The following FLRT2 variants were observed in gnomAD, a reference collection of about 807,000 sequenced individuals.
FLRT2 encodes the protein leucine-rich repeat transmembrane protein FLRT2.
A neutral mutation model predicts 40.0 loss-of-function variants in FLRT2; 15 were observed. That is an observed-to-expected ratio of 0.38 (90% confidence interval 0.25 to 0.58). FLRT2 has a LOEUF of 0.58. Among genes scored for constraint, FLRT2 ranks in the 20% least tolerant of loss-of-function variants. The pLI is 0.71. For synonymous variants in FLRT2, 380 were observed against 336.8 expected (o/e 1.13, Z -1.41); for missense variants, 726 against 840.0 (o/e 0.86, Z 1.68).
At chr14:85,555,582 TC>T (rs1421688301) in intron 1 of FLRT2, among the ~76,000 whole-genome samples, 2 of 152,124 alleles carry the variant, frequency 1.3e-5, no homozygotes, top group African/African-American at 4.8e-5. Flanking sequence ...ACCAGGTCCC[TC>T]CCATAACCGG....
In FLRT2 at chr14:85,540,624, T is replaced by A. The variant is rs1888929576; in HGVS notation, c.-377+10090T>A. Among the ~76,000 whole-genome samples the A allele has an allele frequency of 2.0e-5, 3 of 152,170 alleles. No individual in the cohort carries two copies. The South Asian group carries it at 6.2e-4, about 31-fold the overall frequency. ...CCCGATTCTTGGCCAAAATGAGTAT[T>A]TCTTTCGGTGATTTGAGGTATGAAG... is the stretch of plus-strand genomic sequence containing the variant. On this transcript the variant is annotated intron_variant, in intron 1 of 1. Coordinates refer to ENST00000330753, the MANE Select transcript of FLRT2 (RefSeq NM_013231.6).
chr14:85,643,019 T>C lies in FLRT2; in HGVS notation c.*19522T>C, dbSNP rs1405997160. Reference sequence around the variant, plus strand: ...TGGTGATGCTCCTCTTTTTGAGTTGTAAACAACTGCCCTCAGAAGGCTCTC... The same window carrying C: ...TGGTGATGCTCCTCTTTTTGAGTTGCAAACAACTGCCCTCAGAAGGCTCTC... On this transcript the variant is annotated 3_prime_UTR_variant, in exon 2 of 2. Transcript: ENST00000330753. 3 of 152,206 alleles carry C rather than the reference T, an allele frequency of 2.0e-5. No individual in the cohort carries two copies. The highest frequency in any genetic ancestry group is 7.2e-5 in the African/African-American group (3 of 41,458). The allele number at this position is 152,206 out of a possible 1,614,324, so 9.4% of individuals were successfully genotyped here.
At chr14:85,560,087 C>G (rs1232389031) in intron 1 of FLRT2, among the ~76,000 whole-genome samples, 1 of 152,190 alleles carries the variant, frequency 6.6e-6, no homozygotes, top group East Asian at 1.9e-4. Context: ...TCTGTCCCAG[C>G]TCTGACTCTT....
rs1471300711 is a variant in FLRT2, at chr14:85,648,667, C to A, written c.*25170C>A. 1.3e-5 allele frequency: 2 copies of A among 151,926 alleles called. No individual in the cohort carries two copies. Among genetic ancestry groups the A allele is most frequent in the Admixed American group, 6.6e-5 (1 of 15,208 alleles). 9.4% of individuals were successfully genotyped at this position (151,926 alleles called of 1,614,324 possible). A position where few individuals can be genotyped will look rare whatever the true frequency, so the allele number is the denominator to read the frequency against. ...ATAATTGCCCATTTTCCCTAAATACCTAGGTAGGTTTTATTTCCTAAACTG... is the reference window on the plus strand; with the variant it reads ...ATAATTGCCCATTTTCCCTAAATACATAGGTAGGTTTTATTTCCTAAACTG... On this transcript the variant is annotated 3_prime_UTR_variant, in exon 2 of 2. Transcript: ENST00000330753.
chr14:85,587,515 T>C (rs1479353817), intron 1 of FLRT2, among the ~76,000 whole-genome samples: 1 of 152,108 alleles, frequency 6.6e-6, no homozygotes, highest in Non-Finnish European at 1.5e-5. Flanking sequence ...CCTAGGTCAT[T>C]TTAACTGGAA....
intron 1 of FLRT2, among the ~76,000 whole-genome samples, chr14:85,616,854 C>G (rs1595090430): frequency 6.6e-6 from 1 of 152,138 alleles, no homozygotes; most frequent in East Asian, 1.9e-4. Context: ...TATCCTCGTT[C>G]TAGTGCTCAA....
intron 1 of FLRT2, among the ~76,000 whole-genome samples, chr14:85,617,389 A>C (rs946038221): frequency 2.0e-5 from 3 of 152,128 alleles, no homozygotes; most frequent in Admixed American, 6.6e-5. Context: ...GTTAGGAACT[A>C]TTATTATCAT....
At chr14:85,607,373 T>C (rs1892669348) in intron 1 of FLRT2, among the ~76,000 whole-genome samples, 1 of 152,140 alleles carries the variant, frequency 6.6e-6, no homozygotes, top group South Asian at 2.1e-4. Flanking sequence ...GGAAAGCAAT[T>C]AGAGTTAGGC....
At chr14:85,542,533 A>G (rs1164810673) in intron 1 of FLRT2, among the ~76,000 whole-genome samples, 3 of 152,192 alleles carry the variant, frequency 2.0e-5, no homozygotes, top group Non-Finnish European at 4.4e-5. Flanking sequence ...ACCTGAGAGA[A>G]GCAGGCACTA....
chr14:85,593,393 T>G (rs1891989267), intron 1 of FLRT2, among the ~76,000 whole-genome samples: 1 of 152,322 alleles, frequency 6.6e-6, no homozygotes, highest in Middle Eastern at 3.4e-3. Context: ...AGACCTCACC[T>G]TCTGGCTGCA....
Position 85,537,559 on chromosome 14 carries a change from T to C in FLRT2, c.-377+7025T>C, listed in dbSNP as rs189879670. The stretch of plus-strand genomic sequence containing the variant: ...ATCAGTATACTTTTACTCCTTTCAG[T>C]AATAAAGGACCTCCAATTACGTATC... On this transcript the variant is annotated intron_variant, in intron 1 of 1. Coordinates refer to ENST00000330753, the MANE Select transcript of FLRT2 (RefSeq NM_013231.6). 3.9e-5 allele frequency among the ~76,000 whole-genome samples: 6 copies of C among 152,168 alleles called. No individual in the cohort carries two copies. The East Asian group carries it at 9.6e-4, about 24-fold the overall frequency.
intron 1 of FLRT2, among the ~76,000 whole-genome samples, chr14:85,557,489 A>G (rs1566726120): frequency 6.6e-6 from 1 of 152,200 alleles, no homozygotes; most frequent in Non-Finnish European, 1.5e-5. Context: ...AATAGATGGC[A>G]TCTCCACTAG....
At chr14:85,578,953 C>A (rs751392598) in intron 1 of FLRT2, among the ~76,000 whole-genome samples, 1 of 152,340 alleles carries the variant, frequency 6.6e-6, no homozygotes, top group African/African-American at 2.4e-5. Context: ...AAACACATCT[C>A]TCCCAGTTGG....
At chr14:85,566,632 T>C (rs1291854971) in intron 1 of FLRT2, among the ~76,000 whole-genome samples, 1 of 151,264 alleles carries the variant, frequency 6.6e-6, no homozygotes, top group Non-Finnish European at 1.5e-5. Flanking sequence ...AAATGCAATA[T>C]TTCGTATTCT....
In FLRT2 at chr14:85,643,194, C is replaced by G. The variant is rs1012620673; in HGVS notation, c.*19697C>G. 6.6e-6 allele frequency: 1 copy of G among 152,102 alleles called. No homozygotes were observed. Among genetic ancestry groups the G allele is most frequent in the Non-Finnish European group, 1.5e-5 (1 of 68,040 alleles). 9.4% of individuals were successfully genotyped at this position (152,102 alleles called of 1,614,324 possible). A position where few individuals can be genotyped will look rare whatever the true frequency, so the allele number is the denominator to read the frequency against. On this transcript the variant is annotated 3_prime_UTR_variant, in exon 2 of 2. Transcript: ENST00000330753. ...ATTTAGGGGCACATAAATATACAGT[C>G]CATAACAGGGAGATAGGAACATTGG...
chr14:85,614,250 C>T (rs1467571471), intron 1 of FLRT2, among the ~76,000 whole-genome samples: 1 of 152,180 alleles, frequency 6.6e-6, no homozygotes, highest in Non-Finnish European at 1.5e-5. Context: ...TTGCTCATAA[C>T]ACCTTTTCTA....
intron 1 of FLRT2, among the ~76,000 whole-genome samples, chr14:85,609,488 A>G (rs1217150513): frequency 1.3e-5 from 2 of 152,212 alleles, no homozygotes; most frequent in African/African-American, 2.4e-5. Context: ...GAGCGTAGCC[A>G]CCTGCAAAGG....
At chr14:85,533,589 C>T (rs565172965) in intron 1 of FLRT2, among the ~76,000 whole-genome samples, 159 of 152,146 alleles carry the variant, frequency 1.0e-3, no homozygotes, top group African/African-American at 3.6e-3. Flanking sequence ...TTTTGGGGTT[C>T]GTTGGCTTGG....
intron 1 of FLRT2, chr14:85,560,945 A>G (rs970408213): frequency 3.3e-5 from 5 of 152,204 alleles, no homozygotes; most frequent in African/African-American, 1.2e-4. Flanking sequence ...AATTATAACG[A>G]TAACCTTGTC....
Sources: gnomAD v4.1 joint callset for allele counts (sites outside exome capture counted in the v4.1 genomes callset) on GRCh38, gnomAD v4.1.1 for gene constraint, MANE v1.5 for transcripts, NCBI Gene and HGNC (gene_info 2026-07-23, HGNC 2026-07-21) for gene names.